Variants in EMILIN2 observed in about 807,000 individuals in gnomAD.
EMILIN2 encodes EMILIN-2.
EMILIN2 carries 71 observed loss-of-function variants against 87.1 expected under a neutral mutation model. The observed-to-expected ratio is 0.82, with a 90% CI of 0.67 to 0.99. EMILIN2 has a LOEUF of 0.99. EMILIN2 is among the 50% of genes least tolerant of loss of function. EMILIN2 has a pLI of 0.00. For synonymous variants in EMILIN2, 581 were observed against 563.4 expected, an observed-to-expected ratio of 1.03 and a Z score of -0.44; for missense variants, 1,407 against 1,371.8, an observed-to-expected ratio of 1.03 and a Z score of -0.40.
intron 4 of EMILIN2, among the ~76,000 whole-genome samples, chr18:2,905,070 A>G (rs2076903649): frequency 6.6e-6 from 1 of 151,916 alleles, no homozygotes; most frequent in African/African-American, 2.4e-5. Context: ...GCCTTTCTCA[A>G]CCAGGGTTCT....
chr18:2,901,547 G>A (rs1208637128), intron 4 of EMILIN2, among the ~76,000 whole-genome samples: 1 of 152,234 alleles, frequency 6.6e-6, no homozygotes, highest in East Asian at 1.9e-4. Context: ...GTTCACCCAT[G>A]GTGAGGCTGT....
chr18:2,898,938 C>G (rs539862179), intron 4 of EMILIN2, among the ~76,000 whole-genome samples: 1 of 152,348 alleles, frequency 6.6e-6, no homozygotes, highest in South Asian at 2.1e-4. Context: ...CCCCTTTATC[C>G]TGTAGGCACC....
Position 2,912,272 on chromosome 18 carries a change from C to A in EMILIN2, c.2825-795C>A, listed in dbSNP as rs564136388. Reference sequence around the variant, plus strand: ...GCCAGGCTGGTCTCAAACTCCTGACCTCAGGTGATCTGCCCACCTTGGCCT... The same window carrying A: ...GCCAGGCTGGTCTCAAACTCCTGACATCAGGTGATCTGCCCACCTTGGCCT... On this transcript the variant is annotated intron_variant, in intron 7 of 7. Coordinates refer to ENST00000254528, the MANE Select transcript of EMILIN2 (RefSeq NM_032048.3). 8.7e-4 allele frequency among the ~76,000 whole-genome samples: 132 copies of A among 152,114 alleles called. 1 individual carries two copies. Among genetic ancestry groups the A allele is most frequent in the African/African-American group, 3.1e-3 (129 of 41,474 alleles).
chr18:2,885,081 C>G lies in EMILIN2; in HGVS notation c.375C>G (p.Pro125=), dbSNP rs759403891. Residue 125 remains proline, a synonymous_variant, in exon 3 of 8, where the codon CCC becomes CCG. Coordinates refer to ENST00000254528, the MANE Select transcript of EMILIN2 (RefSeq NM_032048.3). ...ATTGCCAAGAAGGTCCCAAAGACCC[C>G]GTGAAGACCCTCCGCCCCACGCCGG... ...GGDCQEGPKD[P]VKTLRPTPAR... 1.4e-5 allele frequency: 22 copies of G among 1,613,690 alleles called. No individual in the cohort carries two copies. In the East Asian group the frequency reaches 3.8e-4, roughly 28 times the overall value.
At position 2,909,711 on chromosome 18, in the gene EMILIN2, G is replaced by T. The variant is rs1456883942; in HGVS notation, c.2716G>T (p.Val906Leu). The change falls in exon 7 of 8, where the codon GTG (valine) becomes TTG (leucine). Residue 906 changes from valine (V) to leucine (L), a missense_variant. By Grantham distance (32) the Val-to-Leu change is conservative (BLOSUM62 1). Transcript: ENST00000254528. ...TCCAGGAGCTCCGGTGCCTTCTCTG[G>T]TGTCTTTTTCTGCGGGGCTCACCCA... ...ASPGAPVPSLVSFSAGLTQKP... is the reference protein window; with the variant it reads ...ASPGAPVPSLLSFSAGLTQKP... 6.2e-7 allele frequency: 1 copy of T among 1,614,072 alleles called. No individual in the cohort carries two copies. Among genetic ancestry groups the T allele is most frequent in the South Asian group, 1.1e-5 (1 of 91,082 alleles).
chr18:2,868,882 T>A (rs2076705008), intron 2 of EMILIN2, among the ~76,000 whole-genome samples: 1 of 152,242 alleles, frequency 6.6e-6, no homozygotes, highest in African/African-American at 2.4e-5. Context: ...ATTTTTCTTG[T>A]TGTATTTTCA....
In EMILIN2 at chr18:2,913,639, TG is replaced by T. The variant is rs1157772074; in HGVS notation, c.*237del. Reference sequence around the variant, plus strand: ...TTTTCTGCCACTCTAACTGGACAACTGGAAGACTTGGAAAGGCCTCCACCTG... The same window carrying T: ...TTTTCTGCCACTCTAACTGGACAACTGAAGACTTGGAAAGGCCTCCACCTG... On this transcript the variant is annotated 3_prime_UTR_variant, in exon 8 of 8. Coordinates refer to ENST00000254528, the MANE Select transcript of EMILIN2 (RefSeq NM_032048.3). 4 of 483,976 alleles carry T rather than the reference TG, an allele frequency of 8.3e-6. No individual in the cohort carries two copies. The highest frequency in any genetic ancestry group is 3.9e-5 in the Admixed American group (1 of 25,686). The allele number at this position is 483,976 out of a possible 1,614,324, so 30.0% of individuals were successfully genotyped here. A position where few individuals can be genotyped will look rare whatever the true frequency, so the allele number is the denominator to read the frequency against.
chr18:2,890,903 T>C lies in EMILIN2; in HGVS notation c.776T>C (p.Met259Thr), dbSNP rs751409842. The C allele has an allele frequency of 2.0e-5, 33 of 1,613,802 alleles. No individual in the cohort carries two copies. Among genetic ancestry groups the C allele is most frequent in the Non-Finnish European group, 2.7e-5 (32 of 1,180,018 alleles). ...PGVFNTKESG[M>T]KDIKSELAEV... ...GTCTTCAACACTAAGGAATCTGGCA[T>C]GAAGGACATCAAGTCTGAATTGGCT... The change falls in exon 4 of 8, where the codon ATG becomes ACG. Residue 259 changes from methionine to threonine, a missense_variant. Coordinates refer to ENST00000254528, the MANE Select transcript of EMILIN2 (RefSeq NM_032048.3). This position sits in a 1 kb window ranked among gnomAD's most constrained non-coding sequence, Gnocchi z 4.7.
At chr18:2,883,128 C>T (rs958016338) in intron 2 of EMILIN2, among the ~76,000 whole-genome samples, 2 of 152,030 alleles carry the variant, frequency 1.3e-5, no homozygotes, top group South Asian at 2.1e-4. Flanking sequence ...TCCTAGCTGT[C>T]GGCAGGGCCC....
In EMILIN2 at chr18:2,914,537, G is replaced by A. The variant is rs943844153; in HGVS notation, c.*1133G>A. ...GACGCCTCCACTGAGGGGAGGCCCG[G>A]GAGTATCAATCTGTCACCAGTGGCC... On this transcript the variant is annotated 3_prime_UTR_variant, in exon 8 of 8. Coordinates refer to ENST00000254528, the MANE Select transcript of EMILIN2 (RefSeq NM_032048.3). The A allele has an allele frequency of 5.3e-5, 8 of 152,148 alleles. No individual in the cohort carries two copies. Among genetic ancestry groups the A allele is most frequent in the Non-Finnish European group, 7.3e-5 (5 of 68,038 alleles). The allele number at this position is 152,148 out of a possible 1,614,324, so 9.4% of individuals were successfully genotyped here. A position where few individuals can be genotyped will look rare whatever the true frequency, so the allele number is the denominator to read the frequency against.
intron 2 of EMILIN2, among the ~76,000 whole-genome samples, chr18:2,858,553 A>ATATATTATATGTGTGTGTGTGTG (rs2076641024): frequency 2.0e-5 from 1 of 50,054 alleles, no homozygotes; most frequent in Non-Finnish European, 3.2e-5. Context: ...ATATATATAT[A>ATATATTATATGTGTGTGTGTGTG]TATATATATA....
rs2076854454 is a variant in EMILIN2 at position 2,894,470 on chromosome 18, A to G, written c.2359+1984A>G. ...TTGAGTAGAGGTCACAAGACCATGT[A>G]TGTGTTCATAGAATGATTGTCCCTT... is the stretch of plus-strand genomic sequence containing the variant. On this transcript the variant is annotated intron_variant, in intron 4 of 7. Transcript: ENST00000254528. This position sits in a 1 kb window ranked among gnomAD's most constrained non-coding sequence, Gnocchi z 5.0. Among the ~76,000 whole-genome samples the G allele has an allele frequency of 6.6e-6, 1 of 152,146 alleles. No individual in the cohort carries two copies. Among genetic ancestry groups the G allele is most frequent in the African/African-American group, 2.4e-5 (1 of 41,434 alleles).
At position 2,890,801 on chromosome 18, in the gene EMILIN2, C is replaced by T. The variant is rs1395569841; in HGVS notation, c.674C>T (p.Ala225Val). 1.9e-6 allele frequency: 3 copies of T among 1,613,548 alleles called. No homozygotes were observed. The highest frequency in any genetic ancestry group is 1.7e-5 in the Admixed American group (1 of 60,008). The change falls in exon 4 of 8, where the codon GCA (alanine) becomes GTA (valine). Residue 225 changes from alanine to valine, a missense_variant. Transcript: ENST00000254528. This position sits in a 1 kb window ranked among gnomAD's most constrained non-coding sequence, Gnocchi z 4.7. ...ATQDDASRTR[A>V]PGLSSQHPKP... Reference sequence around the variant, plus strand: ...CAGGATGATGCCAGTAGAACACGGGCACCAGGGCTCAGCAGCCAGCACCCC... The same window carrying T: ...CAGGATGATGCCAGTAGAACACGGGTACCAGGGCTCAGCAGCCAGCACCCC...
At chr18:2,906,231 A>G (rs1023989868) in intron 4 of EMILIN2, 3 of 152,254 alleles carry the variant, frequency 2.0e-5, no homozygotes, top group African/African-American at 7.2e-5. Flanking sequence ...GACGCACGCC[A>G]GGAGCTTCCT....
intron 2 of EMILIN2, among the ~76,000 whole-genome samples, chr18:2,876,387 T>G (rs532629312): frequency 1.3e-5 from 2 of 152,298 alleles, no homozygotes; most frequent in East Asian, 3.9e-4. Flanking sequence ...CTCCAGCAGA[T>G]ATATCTTTTG....
intron 3 of EMILIN2, among the ~76,000 whole-genome samples, chr18:2,887,054 T>C (rs1029722600): frequency 6.6e-6 from 1 of 152,338 alleles, no homozygotes; most frequent in African/African-American, 2.4e-5. Context: ...AGTAGCTTCA[T>C]GAGACAATTA....
rs1555667221 is a variant in EMILIN2 at position 2,876,495 on chromosome 18, GGTGGCTCACGCCT to G, written c.258-8466_258-8454del. On this transcript the variant is annotated intron_variant, in intron 2 of 7. Transcript: ENST00000254528. ...AAAATACGTACAAAGCACCAGGCGC[GGTGGCTCACGCCT>G]GTAATCCCAGCACTTTGGGAGGCCG... Among the ~76,000 whole-genome samples the G allele has an allele frequency of 2.4e-3, 364 of 148,640 alleles. 1 individual carries two copies. Among genetic ancestry groups the G allele is most frequent in the South Asian group, 6.4e-3 (27 of 4,188 alleles).
At chr18:2,852,491 A>G (rs2076606381) in intron 2 of EMILIN2, among the ~76,000 whole-genome samples, 1 of 152,160 alleles carries the variant, frequency 6.6e-6, no homozygotes, top group Non-Finnish European at 1.5e-5. Flanking sequence ...TTGTGATACT[A>G]GTTTTGTGTG....
chr18:2,855,065 CAG>C (rs1290733631), intron 2 of EMILIN2, among the ~76,000 whole-genome samples: 1 of 152,214 alleles, frequency 6.6e-6, no homozygotes, highest in Middle Eastern at 3.2e-3. Context: ...GAGCTCGTGT[CAG>C]AGACTCCTGC....
Sources: gnomAD v4.1 joint callset for allele counts (sites outside exome capture counted in the v4.1 genomes callset) on GRCh38, gnomAD v4.1.1 for gene constraint, Gnocchi (gnomAD v3.1) non-coding constraint, MANE v1.5 for transcripts, NCBI Gene and HGNC (gene_info 2026-07-23, HGNC 2026-07-21) for gene names.